The following ADAMTS17 variants were observed in gnomAD, a reference collection of about 807,000 sequenced individuals.
ADAMTS17 encodes ADAM metallopeptidase with thrombospondin type 1 motif 17.
ADAMTS17 carries 113 observed loss-of-function variants against 141.5 expected under a neutral mutation model. The observed-to-expected ratio is 0.80, with a 90% CI of 0.69 to 0.93. ADAMTS17 has a LOEUF of 0.93. Among genes scored for constraint, ADAMTS17 ranks in the 40% least tolerant of loss-of-function variants. The pLI, the probability that ADAMTS17 is intolerant of heterozygous loss-of-function variation, is 0.00. For synonymous variants in ADAMTS17, 768 were observed against 630.6 expected, an observed-to-expected ratio of 1.22 and a Z score of -3.27; for missense variants, 1,659 against 1,517.9, an observed-to-expected ratio of 1.09 and a Z score of -1.54.
At chr15:100,219,604 C>T (rs2141773715) in intron 7 of ADAMTS17, among the ~76,000 whole-genome samples, 1 of 152,288 alleles carries the variant, frequency 6.6e-6, no homozygotes, top group South Asian at 2.1e-4. Context: ...CAAACTGCCT[C>T]CTAACGCATC....
intron 6 of ADAMTS17, chr15:100,257,048 G>A (rs62036216): frequency 0.043 from 6,492 of 152,454 alleles, 242 homozygotes; most frequent in Non-Finnish European, 0.065. Context: ...ACGTCTTGGA[G>A]AATACACTGT....
chr15:100,102,975 G>A (rs1409702004), intron 14 of ADAMTS17, among the ~76,000 whole-genome samples: 1 of 152,152 alleles, frequency 6.6e-6, no homozygotes, highest in Non-Finnish European at 1.5e-5. Context: ...GCCTCTTCCA[G>A]CTCTGGCCTC....
chr15:100,003,189 A>C (rs11636084), intron 18 of ADAMTS17, among the ~76,000 whole-genome samples: 1 of 151,864 alleles, frequency 6.6e-6, no homozygotes, highest in Non-Finnish European at 1.5e-5. Flanking sequence ...ACTCACGACC[A>C]TGGGTCCCAC....
chr15:100,203,160 C>G (rs1321213153), intron 7 of ADAMTS17, among the ~76,000 whole-genome samples: 1 of 152,172 alleles, frequency 6.6e-6, no homozygotes, highest in Non-Finnish European at 1.5e-5. Context: ...AACAGAGGCT[C>G]CACTACACCC....
Position 100,071,501 on chromosome 15 carries a change from C to G in ADAMTS17, c.2138-17447G>C, listed in dbSNP as rs111475677. 2.5e-3 allele frequency among the ~76,000 whole-genome samples: 377 copies of G among 150,440 alleles called. 25 individuals carry two copies. Among genetic ancestry groups the G allele is most frequent in the African/African-American group, 8.8e-3 (359 of 40,754 alleles). ...TGATGCAAAAATCCTCAATAAAATACTGGCAAACCGAATGCAGCAGCACAT... is the reference window on the plus strand; with the variant it reads ...TGATGCAAAAATCCTCAATAAAATAGTGGCAAACCGAATGCAGCAGCACAT... On this transcript the variant is annotated intron_variant, in intron 15 of 21. Transcript: ENST00000268070.
intron 14 of ADAMTS17, among the ~76,000 whole-genome samples, chr15:100,101,954 G>A (rs993866276): frequency 6.6e-6 from 1 of 152,130 alleles, no homozygotes; most frequent in Non-Finnish European, 1.5e-5. Context: ...TGGGTTCCTG[G>A]GTGAGTGCCA....
intron 15 of ADAMTS17, among the ~76,000 whole-genome samples, chr15:100,075,398 G>A (rs78088827): frequency 0.012 from 1,768 of 152,232 alleles, 41 homozygotes; most frequent in African/African-American, 0.041. Context: ...ATATGATACT[G>A]TACAGCAAAA....
At chr15:100,203,194 T>C (rs757695384) in intron 7 of ADAMTS17, among the ~76,000 whole-genome samples, 1 of 152,130 alleles carries the variant, frequency 6.6e-6, no homozygotes, top group Admixed American at 6.5e-5. Context: ...TGTGCTTGTG[T>C]CCTAAATGGT....
chr15:100,124,938 C>T (rs1461107715), intron 12 of ADAMTS17, among the ~76,000 whole-genome samples: 1 of 152,198 alleles, frequency 6.6e-6, no homozygotes, highest in Non-Finnish European at 1.5e-5. Context: ...GGCAGAACAT[C>T]TGCCCCTTTC....
At chr15:100,002,244 T>C (rs1567664172) in intron 18 of ADAMTS17, among the ~76,000 whole-genome samples, 1 of 151,986 alleles carries the variant, frequency 6.6e-6, no homozygotes, top group Non-Finnish European at 1.5e-5. Flanking sequence ...GGCTTTAGGG[T>C]GAGACCTGTT....
intron 2 of ADAMTS17, among the ~76,000 whole-genome samples, chr15:100,334,319 G>A (rs947950889): frequency 2.2e-4 from 34 of 152,166 alleles, no homozygotes; most frequent in African/African-American, 6.8e-4. Context: ...TGCCTCTGTG[G>A]GAGGGGACAA....
At position 100,341,752 on chromosome 15, in the gene ADAMTS17, G is replaced by A. The variant is rs562523051; in HGVS notation, c.79+69C>T. 2.3e-5 allele frequency: 35 copies of A among 1,502,518 alleles called. No individual in the cohort carries two copies. In the Admixed American group the frequency reaches 6.1e-4, roughly 26 times the overall value. The allele number at this position is 1,502,518 out of a possible 1,614,324, so 93.1% of individuals were successfully genotyped here. A position where few individuals can be genotyped will look rare whatever the true frequency, so the allele number is the denominator to read the frequency against. ...GCCGCCGCCCCCGGGCCGCCAGGACGCCGCGAGAACGCAGAGGGAAGGTAG... is the reference window on the plus strand; with the variant it reads ...GCCGCCGCCCCCGGGCCGCCAGGACACCGCGAGAACGCAGAGGGAAGGTAG... On this transcript the variant is annotated intron_variant, in intron 1 of 21. Coordinates refer to ENST00000268070, the MANE Select transcript of ADAMTS17 (RefSeq NM_139057.4).
chr15:100,223,564 AGAG>A (rs1432328538), intron 7 of ADAMTS17, among the ~76,000 whole-genome samples: 1 of 152,098 alleles, frequency 6.6e-6, no homozygotes, highest in East Asian at 1.9e-4. Flanking sequence ...CACTCTGAGA[AGAG>A]GAGATGAATG....
intron 14 of ADAMTS17, among the ~76,000 whole-genome samples, chr15:100,101,046 C>T (rs886495888): frequency 3.3e-5 from 5 of 152,328 alleles, no homozygotes; most frequent in African/African-American, 1.2e-4. Flanking sequence ...CACTCCTCTG[C>T]ATCAATTCTG....
chr15:100,113,834 C>T (rs8031406), intron 13 of ADAMTS17, among the ~76,000 whole-genome samples: 96,536 of 152,052 alleles, frequency 0.63, 30,814 homozygotes, highest in South Asian at 0.74. Context: ...GGGGTTCTGC[C>T]GTGCCAGGCA....
At chr15:100,223,636 TAGAG>T (rs1232257677) in intron 7 of ADAMTS17, among the ~76,000 whole-genome samples, 18 of 151,544 alleles carry the variant, frequency 1.2e-4, no homozygotes, top group East Asian at 3.9e-4. Context: ...AGGGTTTTCT[TAGAG>T]AGATAGAACT....
chr15:100,320,236 A>G (rs559814172), intron 3 of ADAMTS17, among the ~76,000 whole-genome samples: 2 of 152,282 alleles, frequency 1.3e-5, no homozygotes, highest in African/African-American at 4.8e-5. Flanking sequence ...TAAGATCCAC[A>G]TATATCAACT....
At chr15:100,265,254 C>T (rs942838778) in intron 4 of ADAMTS17, among the ~76,000 whole-genome samples, 1 of 152,190 alleles carries the variant, frequency 6.6e-6, no homozygotes, top group African/African-American at 2.4e-5. Context: ...GACAATCCGA[C>T]GACAGCCACA....
intron 7 of ADAMTS17, among the ~76,000 whole-genome samples, chr15:100,220,637 T>C (rs1047435916): frequency 6.6e-6 from 1 of 152,182 alleles, no homozygotes; most frequent in Non-Finnish European, 1.5e-5. Context: ...TCATCACTCT[T>C]ATAGCTAGGG....
Sources: allele counts gnomAD v4.1 joint callset (sites outside exome capture counted in the v4.1 genomes callset), GRCh38; gene constraint gnomAD v4.1.1; transcripts MANE v1.5; gene names NCBI Gene and HGNC (gene_info 2026-07-23, HGNC 2026-07-21).